ROBO1: variants seen among roughly 807,000 people sequenced by gnomAD.
The protein encoded by ROBO1 is roundabout guidance receptor 1.
Under a neutral mutation model 195.9 loss-of-function variants are expected in ROBO1, and 149 were observed. The ratio of observed to expected loss-of-function variants is 0.76; its 90% confidence interval spans 0.67 to 0.87. The LOEUF is 0.87. ROBO1 is among the 40% of genes least tolerant of loss of function. The pLI is 0.00. For synonymous variants in ROBO1, 816 were observed against 733.2 expected (o/e 1.11, Z -1.82); for missense variants, 1,933 against 2,068.3 (o/e 0.93, Z 1.27).
At chr3:79,689,545 AT>A (rs1576235335) in intron 1 of ROBO1, among the ~76,000 whole-genome samples, 1 of 152,098 alleles carries the variant, frequency 6.6e-6, no homozygotes. Context: ...GTTAATCACC[AT>A]CCCCTTTTCC....
intron 1 of ROBO1, among the ~76,000 whole-genome samples, chr3:79,606,033 C>CATAT (rs1491243209): frequency 7.8e-6 from 1 of 128,314 alleles, no homozygotes; most frequent in African/African-American, 3.9e-5. Context: ...TACATGTACC[C>CATAT]ACATATATAT....
chr3:78,906,712 CTTAG>C (rs3040519), intron 4 of ROBO1, among the ~76,000 whole-genome samples: 46,086 of 151,556 alleles, frequency 0.3, 7,074 homozygotes, highest in Middle Eastern at 0.33. Flanking sequence ...AGTTCTTTTA[CTTAG>C]TTAATTATAT....
intron 2 of ROBO1, among the ~76,000 whole-genome samples, chr3:79,197,233 C>G (rs1008722953): frequency 6.6e-6 from 1 of 151,860 alleles, no homozygotes; most frequent in African/African-American, 2.4e-5. Flanking sequence ...GTTCCCCTCC[C>G]TGTGTCCATG....
intron 2 of ROBO1, among the ~76,000 whole-genome samples, chr3:79,480,572 T>G (rs1044595882): frequency 6.6e-6 from 1 of 152,164 alleles, no homozygotes; most frequent in Non-Finnish European, 1.5e-5. Flanking sequence ...ATTGCTCTAA[T>G]TTTTCTATAG....
chr3:79,384,422 A>G (rs1266534150), intron 2 of ROBO1, among the ~76,000 whole-genome samples: 1 of 152,014 alleles, frequency 6.6e-6, no homozygotes, highest in Non-Finnish European at 1.5e-5. Context: ...TGAAAGCAAC[A>G]TGTAAATAGG....
intron 2 of ROBO1, among the ~76,000 whole-genome samples, chr3:79,175,007 G>GA (rs1194263244): frequency 2.0e-5 from 3 of 151,922 alleles, no homozygotes; most frequent in Non-Finnish European, 4.4e-5. Context: ...TTATTTTTTA[G>GA]AAAAAATGTC....
At chr3:78,971,992 T>C (rs2076778539) in intron 3 of ROBO1, among the ~76,000 whole-genome samples, 1 of 152,204 alleles carries the variant, frequency 6.6e-6, no homozygotes, top group Admixed American at 6.5e-5. Flanking sequence ...GGTCTCGAAC[T>C]CCTGACCTTG....
At chr3:78,711,375 CT>C (rs1210163844) in intron 8 of ROBO1, among the ~76,000 whole-genome samples, 1 of 27,618 alleles carries the variant, frequency 3.6e-5, no homozygotes, top group African/African-American at 1.5e-4. Context: ...TCCTTCCTTC[CT>C]TCCTTCCTTC....
intron 3 of ROBO1, among the ~76,000 whole-genome samples, chr3:78,991,983 C>T (rs370741366): frequency 6.6e-6 from 1 of 152,026 alleles, no homozygotes; most frequent in Admixed American, 6.6e-5. Flanking sequence ...AGAACTAGCA[C>T]ATACTTGTAG....
intron 4 of ROBO1, among the ~76,000 whole-genome samples, chr3:78,765,392 TTATTATTAAA>T (rs1210744476): frequency 6.6e-6 from 1 of 152,012 alleles, no homozygotes; most frequent in African/African-American, 2.4e-5. Flanking sequence ...AACATAAAAT[TTATTATTAAA>T]TATAAACTTG....
intron 2 of ROBO1, among the ~76,000 whole-genome samples, chr3:79,190,207 G>A (rs778894874): frequency 6.6e-6 from 1 of 151,420 alleles, no homozygotes; most frequent in Non-Finnish European, 1.5e-5. Flanking sequence ...ATTCCACATA[G>A]AATTCTAGAA....
chr3:79,410,467 C>T (rs1209662869), intron 2 of ROBO1, among the ~76,000 whole-genome samples: 1 of 151,986 alleles, frequency 6.6e-6, no homozygotes, highest in Non-Finnish European at 1.5e-5. Context: ...ATTGAGGCAA[C>T]CTGTATGTCC....
At chr3:79,071,914 CTTCTAGTCTA>C (rs2079097938) in intron 3 of ROBO1, among the ~76,000 whole-genome samples, 1 of 151,748 alleles carries the variant, frequency 6.6e-6, no homozygotes, top group Admixed American at 6.6e-5. Flanking sequence ...TGAGAGCTAC[CTTCTAGTCTA>C]AAAAATGTTC....
intron 10 of ROBO1, among the ~76,000 whole-genome samples, chr3:78,681,611 A>T (rs1301027242): frequency 1.3e-5 from 2 of 152,210 alleles, no homozygotes. Context: ...AGAAGACTTA[A>T]GACGGAGAAG....
At chr3:79,749,175 G>A (rs1011039990) in intron 1 of ROBO1, among the ~76,000 whole-genome samples, 1 of 152,066 alleles carries the variant, frequency 6.6e-6, no homozygotes, top group African/African-American at 2.4e-5. Context: ...TGGAGTAAGG[G>A]TGAATCTTGC....
At chr3:79,632,466 A>C (rs1352891219) in intron 1 of ROBO1, among the ~76,000 whole-genome samples, 1 of 152,150 alleles carries the variant, frequency 6.6e-6, no homozygotes, top group Non-Finnish European at 1.5e-5. Flanking sequence ...GACACTGAGG[A>C]TTCCAAAAAA....
chr3:78,851,893 G>A (rs1250292876), intron 4 of ROBO1, among the ~76,000 whole-genome samples: 3 of 151,712 alleles, frequency 2.0e-5, no homozygotes, highest in Non-Finnish European at 4.4e-5. Context: ...TAGACTGTCA[G>A]CCAACACATT....
At chr3:78,635,507 G>A (rs564310367) in intron 23 of ROBO1, among the ~76,000 whole-genome samples, 27 of 152,102 alleles carry the variant, frequency 1.8e-4, no homozygotes, top group Admixed American at 1.5e-3. Flanking sequence ...AAGATTGTCC[G>A]TCCCAATCCC....
chr3:79,679,571 C>T (rs955844186), intron 1 of ROBO1, among the ~76,000 whole-genome samples: 6 of 151,834 alleles, frequency 4.0e-5, no homozygotes, highest in African/African-American at 1.5e-4. Flanking sequence ...TAATGTTTTT[C>T]TCTTCTGTTT....
Sources: allele counts gnomAD v4.1 joint callset (sites outside exome capture counted in the v4.1 genomes callset), GRCh38; gene constraint gnomAD v4.1.1; transcripts MANE v1.5; gene names NCBI Gene and HGNC (gene_info 2026-07-23, HGNC 2026-07-21).